KSR1: variants seen among roughly 807,000 people sequenced by gnomAD.
The protein encoded by KSR1 is kinase suppressor of ras 1.
A neutral mutation model predicts 92.9 loss-of-function variants in KSR1; 35 were observed. The observed-to-expected ratio is 0.38, with a 90% confidence interval of 0.29 to 0.50. KSR1 has a LOEUF of 0.50. Ranked by LOEUF, KSR1 falls within the 20% of genes least tolerant of loss-of-function variation. KSR1 has a pLI of 0.94. For missense variants in KSR1, 972 were observed against 1,158.5 expected, an observed-to-expected ratio of 0.84 and a Z score of 2.34; for synonymous variants, 467 against 472.6, an observed-to-expected ratio of 0.99 and a Z score of 0.15.
chr17:27,552,221 A>G (rs938323132), intron 2 of KSR1, among the ~76,000 whole-genome samples: 1 of 152,118 alleles, frequency 6.6e-6, no homozygotes, highest in African/African-American at 2.4e-5. Flanking sequence ...GGAGTGACCT[A>G]ACCGATTTGT....
intron 1 of KSR1, among the ~76,000 whole-genome samples, chr17:27,468,141 A>G (rs909998751): frequency 6.7e-5 from 10 of 150,094 alleles, no homozygotes; most frequent in African/African-American, 2.5e-4. Flanking sequence ...TAACTTTATC[A>G]TGGAAAGGTT....
chr17:27,546,467 C>G (rs968209794), intron 1 of KSR1, among the ~76,000 whole-genome samples: 2 of 152,106 alleles, frequency 1.3e-5, no homozygotes, highest in Non-Finnish European at 2.9e-5. Flanking sequence ...CCTGGGAGCT[C>G]GTGTCTATTG....
chr17:27,546,537 C>G (rs1240184713), intron 1 of KSR1, among the ~76,000 whole-genome samples: 4 of 152,144 alleles, frequency 2.6e-5, no homozygotes, highest in African/African-American at 9.7e-5. Flanking sequence ...GATCAGGGCT[C>G]TGAAAGAGTC....
chr17:27,512,597 C>G (rs2069639127), intron 1 of KSR1, among the ~76,000 whole-genome samples: 2 of 152,186 alleles, frequency 1.3e-5, no homozygotes, highest in African/African-American at 4.8e-5. Context: ...GTGGCGTATG[C>G]TTGTAATGCC....
At chr17:27,550,822 A>C in intron 2 of KSR1, 114 bp downstream of exon 2, 1 of 636,458 alleles carries the variant, frequency 1.6e-6, no homozygotes. Context: ...GATGCTCTCT[A>C]GTCTTGAGAA....
At chr17:27,493,939 A>G (rs1230900720) in intron 1 of KSR1, among the ~76,000 whole-genome samples, 1 of 152,132 alleles carries the variant, frequency 6.6e-6, no homozygotes, top group Non-Finnish European at 1.5e-5. Flanking sequence ...TGAGGCTCCC[A>G]TTTTGTGGTG....
In KSR1 at chr17:27,577,591, G is replaced by A. The variant is rs372194552; in HGVS notation, c.472G>A (p.Gly158Ser). Reference protein sequence around the residue: ...RRCGASGDECGRLQYALTCLR... With the variant: ...RRCGASGDECSRLQYALTCLR... ...CTGTGGGGCCAGCGGGGATGAGTGT[G>A]GCCGTCTGCAGTATGCCCTCACCTG... Residue 158 changes from glycine (G) to serine (S), a missense_variant, in exon 3 of 21, where the codon GGC becomes AGC. Transcript: ENST00000644974. This position sits in a 1 kb window ranked among gnomAD's most constrained non-coding sequence, Gnocchi z 4.5. The A allele has an allele frequency of 7.4e-5, 119 of 1,601,066 alleles. No homozygotes were observed. The African/African-American group carries it at 1.3e-3, about 17-fold the overall frequency.
intron 1 of KSR1, among the ~76,000 whole-genome samples, chr17:27,532,916 C>T (rs1001323217): frequency 2.0e-5 from 3 of 152,194 alleles, no homozygotes; most frequent in African/African-American, 7.2e-5. Context: ...GGAGGGGCAG[C>T]GTGGGGCATC....
intron 1 of KSR1, among the ~76,000 whole-genome samples, chr17:27,515,600 T>C (rs1198007125): frequency 6.6e-6 from 1 of 151,480 alleles, no homozygotes; most frequent in African/African-American, 2.4e-5. Context: ...AAATCTTGGG[T>C]CTGCTTCGTA....
At chr17:27,609,029 C>T (rs1329591545) in intron 15 of KSR1, among the ~76,000 whole-genome samples, 167 bp from the exon 16 acceptor site, 3 of 152,194 alleles carry the variant, frequency 2.0e-5, no homozygotes, top group Non-Finnish European at 4.4e-5. Context: ...TGGCTTGGAG[C>T]AAGTGACTTT....
chr17:27,573,765 T>TA (rs1460503703), intron 2 of KSR1, among the ~76,000 whole-genome samples: 1 of 152,218 alleles, frequency 6.6e-6, no homozygotes, highest in Non-Finnish European at 1.5e-5. Flanking sequence ...GCTCAGCCAC[T>TA]TGTTAAGCTG....
intron 1 of KSR1, among the ~76,000 whole-genome samples, chr17:27,501,264 CT>C (rs555435353): frequency 0.15 from 8,067 of 52,062 alleles, 308 homozygotes; most frequent in South Asian, 0.28. Context: ...TTTTCTTTTT[CT>C]TTTTTTTTTT....
chr17:27,574,095 G>A lies in KSR1; in HGVS notation c.373-3397G>A, dbSNP rs559771438. Among the ~76,000 whole-genome samples the A allele has an allele frequency of 3.9e-5, 6 of 152,312 alleles. No homozygotes were observed. The East Asian group carries it at 1.2e-3, about 29-fold the overall frequency. On this transcript the variant is annotated intron_variant, in intron 2 of 20. Transcript: ENST00000644974. ...TCATCACAGCCTTGGAGTATGTGGT[G>A]GAGAGACAAACTGAGGACACCCTTC... is the stretch of plus-strand genomic sequence containing the variant.
intron 1 of KSR1, among the ~76,000 whole-genome samples, chr17:27,536,147 G>T (rs1276017702): frequency 1.3e-5 from 2 of 152,232 alleles, no homozygotes; most frequent in African/African-American, 4.8e-5. Context: ...AGACGGCTGG[G>T]CTGGGGCTGC....
At chr17:27,581,772 C>A (rs903349525) in intron 3 of KSR1, among the ~76,000 whole-genome samples, 8 of 152,106 alleles carry the variant, frequency 5.3e-5, no homozygotes, top group Non-Finnish European at 1.5e-5. Context: ...GCCTTTCCAC[C>A]CAGCATCCAG....
intron 1 of KSR1, among the ~76,000 whole-genome samples, chr17:27,512,306 G>T (rs1283667161): frequency 6.6e-6 from 1 of 152,212 alleles, no homozygotes; most frequent in Non-Finnish European, 1.5e-5. Context: ...AGGGAAGGAT[G>T]AATTGCTGTA....
At chr17:27,502,631 G>T (rs1275686388) in intron 1 of KSR1, among the ~76,000 whole-genome samples, 1 of 152,196 alleles carries the variant, frequency 6.6e-6, no homozygotes, top group Non-Finnish European at 1.5e-5. Flanking sequence ...AGCCCTCCTC[G>T]GGGGCAGGCA....
rs544461929 is a variant in KSR1, at chr17:27,537,046, C to T, written c.232-13522C>T. On this transcript the variant is annotated intron_variant, in intron 1 of 20. Transcript: ENST00000644974. The stretch of plus-strand genomic sequence containing the variant: ...AACCCTCACCACCCACTGCCAGGAG[C>T]GGGGGCTCCCCCACCTATTCTTTTT... Among the ~76,000 whole-genome samples, 277 of 152,322 alleles carry T rather than the reference C, an allele frequency of 1.8e-3. 1 individual carries two copies. The highest frequency in any genetic ancestry group is 3.4e-3 in the Non-Finnish European group (229 of 68,012).
At chr17:27,463,289 A>T (rs536370835) in intron 1 of KSR1, among the ~76,000 whole-genome samples, 1 of 152,078 alleles carries the variant, frequency 6.6e-6, no homozygotes, top group African/African-American at 2.4e-5. Flanking sequence ...GCTGGTGGAT[A>T]GCTTGAGTCT....
Sources: allele counts gnomAD v4.1 joint callset (sites outside exome capture counted in the v4.1 genomes callset), GRCh38; gene constraint gnomAD v4.1.1; non-coding constraint Gnocchi (gnomAD v3.1); transcripts MANE v1.5; gene names NCBI Gene and HGNC (gene_info 2026-07-23, HGNC 2026-07-21).